SOS1: variants seen among roughly 807,000 people sequenced by gnomAD.
SOS1 encodes SOS Ras/Rac guanine nucleotide exchange factor 1.
In SOS1, 25 loss-of-function variants were observed where a neutral mutation model predicts 157.6. The ratio of observed to expected loss-of-function variants is 0.16; its 90% CI spans 0.12 to 0.22. The LOEUF is 0.22. Ranked by LOEUF, SOS1 falls within the 10% of genes least tolerant of loss-of-function variation. The pLI is 1.00. For synonymous variants in SOS1, 528 were observed against 534.0 expected (o/e 0.99, Z 0.16); for missense variants, 1,237 against 1,599.1 (o/e 0.77, Z 3.86).
intron 1 of SOS1, among the ~76,000 whole-genome samples, chr2:39,085,555 T>G (rs1672340932): frequency 6.6e-6 from 1 of 152,232 alleles, no homozygotes; most frequent in African/African-American, 2.4e-5. Context: ...TTCTAGTTTT[T>G]AGTAAACCAA....
intron 6 of SOS1, among the ~76,000 whole-genome samples, chr2:39,036,346 C>T (rs1322455516): frequency 6.6e-6 from 1 of 152,018 alleles, no homozygotes; most frequent in Non-Finnish European, 1.5e-5. Context: ...TGTTATTTTT[C>T]AGATTGCTTT....
chr2:39,051,424 A>G (rs1009473787), intron 5 of SOS1, 137 bp from the exon 6 acceptor site: 32 of 734,160 alleles, frequency 4.4e-5, no homozygotes, highest in East Asian at 8.0e-5. Flanking sequence ...ACTTAGAAAT[A>G]TGAATAAAGG....
At chr2:39,123,805 T>C (rs1028450866), upstream of SOS1, among the ~76,000 whole-genome samples, 4 of 152,220 alleles carry the variant, frequency 2.6e-5, no homozygotes, top group East Asian at 1.9e-4. Flanking sequence ...ATAATCAACG[T>C]TGTTTCCAGA....
chr2:39,064,205 T>C (rs995772274), intron 2 of SOS1, among the ~76,000 whole-genome samples: 2 of 152,200 alleles, frequency 1.3e-5, no homozygotes, highest in Admixed American at 1.3e-4. Flanking sequence ...TGATGATGCT[T>C]AGAAGTACAT....
chr2:38,994,903 G>A (rs1409151631), intron 20 of SOS1, among the ~76,000 whole-genome samples: 1 of 152,102 alleles, frequency 6.6e-6, no homozygotes, highest in Non-Finnish European at 1.5e-5. Context: ...TTTCATTAAC[G>A]TATAATAAAT....
At chr2:39,064,512 G>A (rs1191021350) in intron 2 of SOS1, among the ~76,000 whole-genome samples, 1 of 152,004 alleles carries the variant, frequency 6.6e-6, no homozygotes, top group South Asian at 2.1e-4. Flanking sequence ...AAAATAATAA[G>A]GGCCCATTTC....
chr2:39,061,251 A>T (rs1216213981), intron 2 of SOS1, among the ~76,000 whole-genome samples: 1 of 2,034 alleles, frequency 4.9e-4, no homozygotes, highest in African/African-American at 3.8e-3. Flanking sequence ...CGTAGGGTTA[A>T]AAAAAAAAAA....
At position 39,103,059 on chromosome 2, in the gene SOS1, G is replaced by GAA. The variant is rs1283798308; in HGVS notation, c.87+17275_87+17276dup. 2.0e-5 allele frequency among the ~76,000 whole-genome samples: 3 copies of GAA among 152,190 alleles called. No homozygotes were observed. The East Asian group carries it at 5.8e-4, about 29-fold the overall frequency. On this transcript the variant is annotated intron_variant, in intron 1 of 22. Coordinates refer to ENST00000402219, the MANE Select transcript of SOS1 (RefSeq NM_005633.4). ...TAGGAATGCAATTCCATTTAACATT[G>GAA]AAAAGAACAATAACATCTAAAAGAG...
Position 38,985,722 on chromosome 2 carries a change from T to C in SOS1, c.*102A>G, listed in dbSNP as rs1347149212. 3.1e-6 allele frequency: 4 copies of C among 1,272,808 alleles called. No individual in the cohort carries two copies. The highest frequency in any genetic ancestry group is 1.7e-5 in the Admixed American group (1 of 58,816). The allele number at this position is 1,272,808 out of a possible 1,614,324, so 78.8% of individuals were successfully genotyped here. A position where few individuals can be genotyped will look rare whatever the true frequency, so the allele number is the denominator to read the frequency against. On this transcript the variant is annotated 3_prime_UTR_variant, in exon 23 of 23. Coordinates refer to ENST00000402219, the MANE Select transcript of SOS1 (RefSeq NM_005633.4). ...CATCTTGAAGAAGAGTCGTTAGTGT[T>C]TGGAGTTCTCATTTTAACTCCTCAG...
rs534982727 is a variant in SOS1 at position 39,086,941 on chromosome 2, T to C, written c.88-19188A>G. Among the ~76,000 whole-genome samples the C allele has an allele frequency of 2.0e-5, 3 of 152,112 alleles. No homozygotes were observed. In the South Asian group the frequency reaches 6.2e-4, roughly 32 times the overall value. ...AATTCTCCTGCCTCAGCCTCCCAAGTAGCTGGGATTACAGGCGCCCACCAC... is the reference window on the plus strand; with the variant it reads ...AATTCTCCTGCCTCAGCCTCCCAAGCAGCTGGGATTACAGGCGCCCACCAC... On this transcript the variant is annotated intron_variant, in intron 1 of 22. Transcript: ENST00000402219.
intron 2 of SOS1, among the ~76,000 whole-genome samples, chr2:39,062,580 G>A (rs1198974289): frequency 1.4e-5 from 2 of 148,096 alleles, no homozygotes; most frequent in African/African-American, 5.0e-5. Flanking sequence ...ACAATAAAAA[G>A]TCTAAGATAA....
In SOS1 at chr2:39,092,400, G is replaced by A. The variant is rs186166573; in HGVS notation, c.88-24647C>T. Among the ~76,000 whole-genome samples, 9 of 152,218 alleles carry A rather than the reference G, an allele frequency of 5.9e-5. No homozygotes were observed. In the East Asian group the frequency reaches 1.5e-3, roughly 26 times the overall value. On this transcript the variant is annotated intron_variant, in intron 1 of 22. Coordinates refer to ENST00000402219, the MANE Select transcript of SOS1 (RefSeq NM_005633.4). ...ATTTTTTGCATTATTGGCTGCTTCTGAACATTCTGGTCTCTTCTCAAATGT... is the reference window on the plus strand; with the variant it reads ...ATTTTTTGCATTATTGGCTGCTTCTAAACATTCTGGTCTCTTCTCAAATGT...
intron 6 of SOS1, among the ~76,000 whole-genome samples, chr2:39,036,908 T>G (rs1670375152): frequency 6.6e-6 from 1 of 151,838 alleles, no homozygotes; most frequent in South Asian, 2.1e-4. Context: ...TGGACTCAAG[T>G]GATCCTCCTG....
chr2:39,078,222 T>C (rs1672081676), intron 1 of SOS1, among the ~76,000 whole-genome samples: 1 of 152,176 alleles, frequency 6.6e-6, no homozygotes, highest in Non-Finnish European at 1.5e-5. Flanking sequence ...TTATTTGTAT[T>C]CAAGTAAATA....
chr2:39,030,322 C>T (rs1020896581), intron 8 of SOS1, among the ~76,000 whole-genome samples: 4 of 149,966 alleles, frequency 2.7e-5, no homozygotes, highest in South Asian at 2.1e-4. Flanking sequence ...CCAGCACTTT[C>T]GGAGGCCAAT....
At chr2:39,033,073 CTT>C (rs775332046) in intron 8 of SOS1, among the ~76,000 whole-genome samples, 4 of 142,242 alleles carry the variant, frequency 2.8e-5, no homozygotes, top group Admixed American at 7.1e-5. Context: ...TCTTTTTCTT[CTT>C]TTTTTTTTTT....
rs775782359 is a variant in SOS1 at position 38,985,966 on chromosome 2, A to G, written c.3860T>C (p.Ile1287Thr). 1.9e-6 allele frequency: 3 copies of G among 1,613,956 alleles called. No homozygotes were observed. The highest frequency in any genetic ancestry group is 2.5e-6 in the Non-Finnish European group (3 of 1,179,878). Residue 1287 changes from isoleucine to threonine, a missense_variant, in exon 23 of 23, where the codon ATT (isoleucine) becomes ACT (threonine). Physicochemically the swap from Ile to Thr is moderately conservative, Grantham distance 89. Coordinates refer to ENST00000402219, the MANE Select transcript of SOS1 (RefSeq NM_005633.4). The stretch of plus-strand genomic sequence containing the variant: ...TCGTGGAGGAACAGGCGGCCCAGCA[A>G]TGGAATGAAGGTCCACTTCTTGTGT... ...PLTQEVDLHSIAGPPVPPRQS... is the reference protein window; with the variant it reads ...PLTQEVDLHSTAGPPVPPRQS...
At position 39,046,495 on chromosome 2, in the gene SOS1, C is replaced by CTTTT. The variant is rs201639147; in HGVS notation, c.864+4645_864+4648dup. Among the ~76,000 whole-genome samples the CTTTT allele has an allele frequency of 8.0e-5, 10 of 124,404 alleles. 2 individuals are homozygous for CTTTT. Among genetic ancestry groups the CTTTT allele is most frequent in the African/African-American group, 3.3e-4 (10 of 30,276 alleles). 81.6% of individuals were successfully genotyped at this position (124,404 alleles called of 152,430 possible). On this transcript the variant is annotated intron_variant, in intron 6 of 22. Coordinates refer to ENST00000402219, the MANE Select transcript of SOS1 (RefSeq NM_005633.4). The stretch of plus-strand genomic sequence containing the variant: ...TTATTTATTTATTTTGAGACAGTGT[C>CTTTT]TTTTTTTTTTTTTTTTTTTTTTTTT...
At chr2:39,104,281 TCAAATAAA>T (rs1039620721) in intron 1 of SOS1, among the ~76,000 whole-genome samples, 21 of 152,132 alleles carry the variant, frequency 1.4e-4, no homozygotes, top group African/African-American at 4.8e-4. Flanking sequence ...AGACTTCATC[TCAAATAAA>T]TAAATAAATA....
Sources: gnomAD v4.1 joint callset for allele counts (sites outside exome capture counted in the v4.1 genomes callset) on GRCh38, gnomAD v4.1.1 for gene constraint, MANE v1.5 for transcripts, NCBI Gene and HGNC (gene_info 2026-07-23, HGNC 2026-07-21) for gene names.